The following AFG2A variants were observed in gnomAD, a reference collection of about 807,000 sequenced individuals.
The protein encoded by AFG2A is ATPase family gene 2 protein homolog A.
chr4:123,054,893 T>C, the AFG2A span, among the ~76,000 whole-genome samples: 1 of 152,228 alleles, frequency 6.6e-6, no homozygotes, highest in South Asian at 2.1e-4. Context: ...TTTTCCCCTT[T>C]ACTATTCTAA....
the AFG2A span, among the ~76,000 whole-genome samples, chr4:123,152,165 G>T: frequency 6.6e-6 from 1 of 152,100 alleles, no homozygotes. Context: ...AACATTAGGA[G>T]AAATACCTCA....
At chr4:123,097,232 T>C in the AFG2A span, among the ~76,000 whole-genome samples, 1 of 152,078 alleles carries the variant, frequency 6.6e-6, no homozygotes, top group Non-Finnish European at 1.5e-5. Flanking sequence ...TACGTATCTT[T>C]CGATATTCAA....
At chr4:123,286,397 CT>C in the AFG2A span, among the ~76,000 whole-genome samples, 2 of 152,058 alleles carry the variant, frequency 1.3e-5, no homozygotes, top group African/African-American at 4.8e-5. Context: ...AAAAGAACTA[CT>C]TTTGTATTTG....
At chr4:122,988,842 A>AC in the AFG2A span, among the ~76,000 whole-genome samples, 1 of 152,054 alleles carries the variant, frequency 6.6e-6, no homozygotes, top group African/African-American at 2.4e-5. Flanking sequence ...TTTTTGTGAC[A>AC]AGATAATTTC....
At chr4:122,991,912 G>GT in the AFG2A span, among the ~76,000 whole-genome samples, 559 of 151,542 alleles carry the variant, frequency 3.7e-3, 2 homozygotes, top group African/African-American at 0.012. Flanking sequence ...ATTATTATGA[G>GT]TTTTTTTTTA....
At chr4:123,198,373 G>C in the AFG2A span, among the ~76,000 whole-genome samples, 2 of 152,002 alleles carry the variant, frequency 1.3e-5, no homozygotes, top group Non-Finnish European at 2.9e-5. Flanking sequence ...TGAAGGGTGT[G>C]TATATGTATA....
the AFG2A span, among the ~76,000 whole-genome samples, chr4:123,002,212 TG>T: frequency 6.6e-6 from 1 of 152,064 alleles, no homozygotes; most frequent in East Asian, 1.9e-4. Context: ...GCATGTGAGA[TG>T]GGTTTCCTGA....
the AFG2A span, among the ~76,000 whole-genome samples, chr4:123,282,312 T>C: frequency 1.3e-5 from 2 of 152,202 alleles, no homozygotes; most frequent in African/African-American, 4.8e-5. Flanking sequence ...CTTTTCACTG[T>C]CTGTAGTTTT....
the AFG2A span, among the ~76,000 whole-genome samples, chr4:123,014,705 T>C: frequency 1.3e-5 from 2 of 152,214 alleles, no homozygotes; most frequent in African/African-American, 4.8e-5. Context: ...ATAATATTTT[T>C]CATGTTTTTT....
the AFG2A span, among the ~76,000 whole-genome samples, chr4:123,016,580 T>C: frequency 7.3e-6 from 1 of 136,156 alleles, no homozygotes; most frequent in African/African-American, 2.9e-5. Flanking sequence ...CGGGTAGAGG[T>C]GCTCCTCACT....
the AFG2A span, among the ~76,000 whole-genome samples, chr4:123,017,243 GGAGAGGGAGAGCGAGAGC>G: frequency 1.9e-4 from 27 of 139,698 alleles, no homozygotes; most frequent in African/African-American, 7.3e-4. Context: ...AAAGGGAGAG[GGAGAGGGAGAGCGAGAGC>G]GAGAGCGAGA....
At chr4:123,251,019 C>G in the AFG2A span, among the ~76,000 whole-genome samples, 2 of 152,114 alleles carry the variant, frequency 1.3e-5, no homozygotes, top group African/African-American at 4.8e-5. Flanking sequence ...GCCTAGCTGG[C>G]TGTTGGCCCA....
the AFG2A span, among the ~76,000 whole-genome samples, chr4:123,162,810 A>T: frequency 6.6e-6 from 1 of 152,180 alleles, no homozygotes; most frequent in Non-Finnish European, 1.5e-5. Flanking sequence ...TAACTTTAGC[A>T]TGTTATTTGG....
chr4:123,052,022 A>G, the AFG2A span, among the ~76,000 whole-genome samples: 2 of 152,078 alleles, frequency 1.3e-5, no homozygotes, highest in Non-Finnish European at 2.9e-5. Flanking sequence ...ATTTCTTTGA[A>G]TAAGCTTTCT....
At chr4:123,218,640 TATACATACATACATAC>T in the AFG2A span, among the ~76,000 whole-genome samples, 1,679 of 147,810 alleles carry the variant, frequency 0.011, 28 homozygotes, top group African/African-American at 0.038. Flanking sequence ...CATAAACACA[TATACATACATACATAC>T]ATACATACAT....
the AFG2A span, among the ~76,000 whole-genome samples, chr4:123,133,547 A>G: frequency 1.3e-5 from 2 of 149,332 alleles, no homozygotes; most frequent in African/African-American, 5.1e-5. Flanking sequence ...ATTTATATAT[A>G]TTTTTTGTTT....
chr4:122,993,076 A>G, the AFG2A span, among the ~76,000 whole-genome samples: 2 of 151,484 alleles, frequency 1.3e-5, no homozygotes, highest in Non-Finnish European at 2.9e-5. Context: ...GCCTTCACCT[A>G]CCAGGTTCAA....
At chr4:123,291,518 G>A in the AFG2A span, among the ~76,000 whole-genome samples, 1 of 152,144 alleles carries the variant, frequency 6.6e-6, no homozygotes, top group Non-Finnish European at 1.5e-5. Context: ...TGGTCAAGTG[G>A]TGACAAATTC....
At chr4:123,217,408 T>C in the AFG2A span, among the ~76,000 whole-genome samples, 1 of 152,374 alleles carries the variant, frequency 6.6e-6, no homozygotes, top group African/African-American at 2.4e-5. Context: ...TCCAGAATTA[T>C]GTGGCTATTT....
Sources: gnomAD v4.1 joint callset for allele counts (sites outside exome capture counted in the v4.1 genomes callset) on GRCh38, gnomAD v4.1.1 for gene constraint, MANE v1.5 for transcripts, NCBI Gene and HGNC (gene_info 2026-07-23, HGNC 2026-07-21) for gene names.